CNTN5: variants seen among roughly 807,000 people sequenced by gnomAD.
CNTN5 encodes the protein contactin 5, also known as contactin-5.
Under a neutral mutation model 129.1 loss-of-function variants are expected in CNTN5, and 77 were observed. The ratio of observed to expected loss-of-function variants is 0.60; its 90% CI spans 0.50 to 0.72. The LOEUF is 0.72. Ranked by LOEUF, CNTN5 falls within the 30% of genes least tolerant of loss-of-function variation. CNTN5 has a pLI of 0.00. For missense variants in CNTN5, 1,478 were observed against 1,328.8 expected, an observed-to-expected ratio of 1.11 and a Z score of -1.75; for synonymous variants, 509 against 465.6, an observed-to-expected ratio of 1.09 and a Z score of -1.20.
chr11:99,533,913 C>G (rs767015517), intron 2 of CNTN5, among the ~76,000 whole-genome samples: 1 of 152,100 alleles, frequency 6.6e-6, no homozygotes, highest in Non-Finnish European at 1.5e-5. Flanking sequence ...GAGAAAATTC[C>G]GTGGGTTTGG....
chr11:99,055,937 A>G lies in CNTN5; in HGVS notation c.-210+34667A>G, dbSNP rs1190177071. Reference sequence around the variant, plus strand: ...CTTTGGGTTGTCTCCTTCGGTTTCAATTTCAAGGCTTGCATGCTTTTTACC... The same window carrying G: ...CTTTGGGTTGTCTCCTTCGGTTTCAGTTTCAAGGCTTGCATGCTTTTTACC... On this transcript the variant is annotated intron_variant, in intron 1 of 24. Coordinates refer to ENST00000524871, the MANE Select transcript of CNTN5 (RefSeq NM_014361.4). Among the ~76,000 whole-genome samples, 3 of 151,710 alleles carry G rather than the reference A, an allele frequency of 2.0e-5. No homozygotes were observed. In the Admixed American group the frequency reaches 2.0e-4, roughly 10 times the overall value.
chr11:99,033,945 C>G (rs1863548524), intron 1 of CNTN5, among the ~76,000 whole-genome samples: 1 of 151,478 alleles, frequency 6.6e-6, no homozygotes, highest in African/African-American at 2.4e-5. Context: ...TACGTCCCAT[C>G]AATACCTAAT....
chr11:99,841,814 A>G lies in CNTN5; in HGVS notation c.278-3038A>G, dbSNP rs865845629. Among the ~76,000 whole-genome samples, 112 of 139,790 alleles carry G rather than the reference A, an allele frequency of 8.0e-4. 1 individual carries two copies. Among genetic ancestry groups the G allele is most frequent in the Middle Eastern group, 3.7e-3 (1 of 268 alleles). 91.7% of individuals were successfully genotyped at this position (139,790 alleles called of 152,430 possible). ...ATATATATATATGTGGTGTGTGTGTATATATGTGTGTATATATATATACAC... is the reference window on the plus strand; with the variant it reads ...ATATATATATATGTGGTGTGTGTGTGTATATGTGTGTATATATATATACAC... On this transcript the variant is annotated intron_variant, in intron 4 of 24. Coordinates refer to ENST00000524871, the MANE Select transcript of CNTN5 (RefSeq NM_014361.4).
intron 2 of CNTN5, among the ~76,000 whole-genome samples, chr11:99,462,781 A>G (rs1409577846): frequency 2.0e-5 from 3 of 151,942 alleles, no homozygotes; most frequent in Admixed American, 2.0e-4. Context: ...AGGGGAGGAA[A>G]TTTCAACTAG....
At chr11:99,834,561 C>A (rs891246861) in intron 4 of CNTN5, among the ~76,000 whole-genome samples, 19 of 152,054 alleles carry the variant, frequency 1.2e-4, no homozygotes, top group Non-Finnish European at 2.9e-5. Flanking sequence ...AACGATTGCA[C>A]TTTTATTTGT....
intron 1 of CNTN5, among the ~76,000 whole-genome samples, chr11:99,041,497 C>T (rs2135138210): frequency 6.6e-6 from 1 of 152,296 alleles, no homozygotes; most frequent in African/African-American, 2.4e-5. Flanking sequence ...TTTAACTCAT[C>T]TTTTTATCCT....
intron 1 of CNTN5, among the ~76,000 whole-genome samples, chr11:99,185,045 G>C (rs1264721124): frequency 6.7e-6 from 1 of 150,078 alleles, no homozygotes; most frequent in Non-Finnish European, 1.5e-5. Flanking sequence ...TACAAAAGAA[G>C]AAAAAGAAAA....
chr11:99,811,358 T>C (rs1946421938), intron 3 of CNTN5, among the ~76,000 whole-genome samples: 1 of 151,558 alleles, frequency 6.6e-6, no homozygotes, highest in Non-Finnish European at 1.5e-5. Flanking sequence ...TTAAAATATA[T>C]TTTTATCATA....
At chr11:99,389,425 T>C (rs1017277740) in intron 2 of CNTN5, among the ~76,000 whole-genome samples, 1 of 152,184 alleles carries the variant, frequency 6.6e-6, no homozygotes, top group Non-Finnish European at 1.5e-5. Flanking sequence ...TGTACCTGTA[T>C]TGTGTATAAT....
intron 3 of CNTN5, among the ~76,000 whole-genome samples, chr11:99,709,436 T>C (rs1304582541): frequency 4.0e-5 from 6 of 151,796 alleles, no homozygotes; most frequent in Admixed American, 2.0e-4. Context: ...GTGTCTGAAC[T>C]CTAGAGAGTG....
At chr11:99,887,606 G>C (rs1000896608) in intron 6 of CNTN5, among the ~76,000 whole-genome samples, 1 of 152,236 alleles carries the variant, frequency 6.6e-6, no homozygotes, top group African/African-American at 2.4e-5. Flanking sequence ...GCCAGTCCAA[G>C]TCTCAAAACC....
At chr11:99,445,909 C>T (rs867767458) in intron 2 of CNTN5, among the ~76,000 whole-genome samples, 1 of 152,008 alleles carries the variant, frequency 6.6e-6, no homozygotes, top group South Asian at 2.1e-4. Flanking sequence ...CATGGTGAAA[C>T]TCTGTCTCTA....
At chr11:100,039,412 C>T (rs1325757839) in intron 9 of CNTN5, among the ~76,000 whole-genome samples, 2 of 152,106 alleles carry the variant, frequency 1.3e-5, no homozygotes, top group Admixed American at 1.3e-4. Context: ...TTTTTTCCTT[C>T]ATTTCAACTT....
intron 3 of CNTN5, among the ~76,000 whole-genome samples, chr11:99,735,119 C>T (rs1449892385): frequency 6.6e-6 from 1 of 152,138 alleles, no homozygotes; most frequent in Non-Finnish European, 1.5e-5. Flanking sequence ...TTATTCGTAC[C>T]TACTATGTAC....
intron 9 of CNTN5, among the ~76,000 whole-genome samples, chr11:100,058,394 C>T (rs1943326086): frequency 7.0e-6 from 1 of 143,224 alleles, no homozygotes; most frequent in Non-Finnish European, 1.6e-5. Flanking sequence ...CATTATGCTA[C>T]TGCATCTGTC....
chr11:100,273,811 T>A (rs1037258016), intron 18 of CNTN5, among the ~76,000 whole-genome samples: 2 of 152,232 alleles, frequency 1.3e-5, no homozygotes. Flanking sequence ...AAGCAATTTA[T>A]AGAGTTCATG....
intron 21 of CNTN5, among the ~76,000 whole-genome samples, chr11:100,325,851 G>A (rs898319353): frequency 1.3e-5 from 2 of 152,176 alleles, no homozygotes; most frequent in Non-Finnish European, 2.9e-5. Flanking sequence ...GAGACTGAAG[G>A]AAAATCTTTG....
At position 99,286,040 on chromosome 11, in the gene CNTN5, G is replaced by GGA. The variant is rs1555101325; in HGVS notation, c.-209-39306_-209-39305insGA. On this transcript the variant is annotated intron_variant, in intron 1 of 24. Coordinates refer to ENST00000524871, the MANE Select transcript of CNTN5 (RefSeq NM_014361.4). ...GCGACAGAGCAAGACTCCATCTGGA[G>GGA]AAAAAAAAAAAAAAAAAAAGCAGAG... is the stretch of plus-strand genomic sequence containing the variant. Among the ~76,000 whole-genome samples, 49 of 93,006 alleles carry GGA rather than the reference G, an allele frequency of 5.3e-4. 2 individuals carry two copies. The highest frequency in any genetic ancestry group is 3.4e-3 in the East Asian group (8 of 2,354). 61.0% of individuals were successfully genotyped at this position (93,006 alleles called of 152,430 possible).
At chr11:100,129,827 T>A (rs566369411) in intron 13 of CNTN5, among the ~76,000 whole-genome samples, 108 of 149,278 alleles carry the variant, frequency 7.2e-4, no homozygotes, top group Middle Eastern at 3.4e-3. Context: ...TCATATATAT[T>A]TGTGTGTGTG....
Sources: gnomAD v4.1 joint callset for allele counts (sites outside exome capture counted in the v4.1 genomes callset) on GRCh38, gnomAD v4.1.1 for gene constraint, MANE v1.5 for transcripts, NCBI Gene and HGNC (gene_info 2026-07-23, HGNC 2026-07-21) for gene names.